The following SOX5 variants were observed in gnomAD, a reference collection of about 807,000 sequenced individuals.
The protein encoded by SOX5 is transcription factor SOX-5.
SOX5 carries 9 observed loss-of-function variants against 92.0 expected under a neutral mutation model. That is an observed-to-expected ratio of 0.10 (90% CI 0.06 to 0.17). The LOEUF is 0.17. Among genes scored for constraint, SOX5 ranks in the 10% least tolerant of loss-of-function variants. The pLI, the probability that SOX5 is intolerant of heterozygous loss-of-function variation, is 1.00. For synonymous variants in SOX5, 344 were observed against 336.3 expected (o/e 1.02, Z -0.25); for missense variants, 642 against 944.5 (o/e 0.68, Z 4.20).
chr12:23,998,927 T>C (rs1951313923), intron 4 of SOX5, among the ~76,000 whole-genome samples: 1 of 150,798 alleles, frequency 6.6e-6, no homozygotes, highest in South Asian at 2.1e-4. Flanking sequence ...AAACCACAAG[T>C]ATGATAAACA....
At chr12:24,145,464 T>A (rs1468803214) in intron 4 of SOX5, among the ~76,000 whole-genome samples, 1 of 152,144 alleles carries the variant, frequency 6.6e-6, no homozygotes, top group East Asian at 1.9e-4. Context: ...TATAAAGGGT[T>A]AAAAGAAAAT....
At chr12:23,701,930 C>T (rs1435644984) in intron 6 of SOX5, among the ~76,000 whole-genome samples, 3 of 152,048 alleles carry the variant, frequency 2.0e-5, no homozygotes, top group African/African-American at 7.2e-5. Context: ...CTTAAAAACA[C>T]TAGAAGTTGT....
At chr12:24,242,873 A>T (rs1012667969) in intron 3 of SOX5, among the ~76,000 whole-genome samples, 1 of 152,192 alleles carries the variant, frequency 6.6e-6, no homozygotes, top group African/African-American at 2.4e-5. Context: ...TTTATCTTAT[A>T]TAAGTAACAC....
At chr12:24,141,238 G>T (rs930804084) in intron 4 of SOX5, among the ~76,000 whole-genome samples, 1 of 151,974 alleles carries the variant, frequency 6.6e-6, no homozygotes, top group Non-Finnish European at 1.5e-5. Context: ...TTTAGTCCAG[G>T]TTGCTATTAA....
chr12:24,202,208 T>C (rs1423044592), intron 4 of SOX5, among the ~76,000 whole-genome samples: 1 of 152,222 alleles, frequency 6.6e-6, no homozygotes, highest in East Asian at 1.9e-4. Context: ...GTAACATACC[T>C]ATCACTCTAT....
intron 2 of SOX5, among the ~76,000 whole-genome samples, chr12:24,335,586 C>T (rs1457998005): frequency 3.9e-5 from 6 of 152,040 alleles, no homozygotes; most frequent in African/African-American, 1.4e-4. Context: ...CAATTTGGTT[C>T]CAGGACCTTA....
At chr12:24,447,784 G>A (rs1485679439) in intron 1 of SOX5, among the ~76,000 whole-genome samples, 1 of 152,160 alleles carries the variant, frequency 6.6e-6, no homozygotes, top group Non-Finnish European at 1.5e-5. Context: ...AGAAGTATGG[G>A]CAAATGGGAG....
chr12:23,600,554 C>CATAT (rs2074350319), intron 9 of SOX5, among the ~76,000 whole-genome samples: 2 of 41,250 alleles, frequency 4.8e-5, no homozygotes, highest in African/African-American at 2.3e-4. Flanking sequence ...TATATATATA[C>CATAT]ACATACTTGG....
chr12:24,100,497 G>GT (rs1242605565), intron 4 of SOX5, among the ~76,000 whole-genome samples: 2 of 151,962 alleles, frequency 1.3e-5, no homozygotes, highest in African/African-American at 4.8e-5. Flanking sequence ...TTCTTTCTCA[G>GT]TCTTGTTCCA....
intron 3 of SOX5, among the ~76,000 whole-genome samples, chr12:23,771,082 C>T (rs2094917704): frequency 6.6e-6 from 1 of 150,474 alleles, no homozygotes; most frequent in Admixed American, 6.7e-5. Context: ...TTTCTTCATA[C>T]ATATCGTATT....
At chr12:24,263,476 C>A (rs544786041) in intron 3 of SOX5, among the ~76,000 whole-genome samples, 2 of 128,754 alleles carry the variant, frequency 1.6e-5, no homozygotes, top group Admixed American at 2.1e-4. Context: ...TGCAGCGAAC[C>A]GAGGCCGTGT....
intron 1 of SOX5, among the ~76,000 whole-genome samples, chr12:24,518,414 A>G (rs900696660): frequency 6.6e-6 from 1 of 152,244 alleles, no homozygotes; most frequent in South Asian, 2.1e-4. Context: ...CTATTTCATC[A>G]ACGCTCAAAT....
At chr12:24,089,689 A>G (rs895907079) in intron 4 of SOX5, among the ~76,000 whole-genome samples, 1 of 152,200 alleles carries the variant, frequency 6.6e-6, no homozygotes, top group Non-Finnish European at 1.5e-5. Flanking sequence ...TAAAACGCCC[A>G]GGCCTTATGT....
At chr12:23,807,334 T>TG (rs2095798012) in intron 3 of SOX5, among the ~76,000 whole-genome samples, 1 of 152,174 alleles carries the variant, frequency 6.6e-6, no homozygotes, top group African/African-American at 2.4e-5. Context: ...TCTTTGCAGA[T>TG]TTAGTCAAGT....
At chr12:24,505,001 A>C (rs543471372) in intron 1 of SOX5, among the ~76,000 whole-genome samples, 21 of 152,354 alleles carry the variant, frequency 1.4e-4, no homozygotes, top group Non-Finnish European at 2.2e-4. Context: ...GGAAGCAACA[A>C]CAGATAAAAA....
At chr12:23,953,376 C>A (rs191551659), upstream of SOX5, among the ~76,000 whole-genome samples, 26 of 152,060 alleles carry the variant, frequency 1.7e-4, no homozygotes, top group Middle Eastern at 0.01. Context: ...AACCCAAATT[C>A]TTTTTCAATT....
intron 3 of SOX5, among the ~76,000 whole-genome samples, chr12:24,272,869 T>C (rs1273807032): frequency 6.6e-6 from 1 of 152,052 alleles, no homozygotes; most frequent in Non-Finnish European, 1.5e-5. Context: ...GGTATGAAAA[T>C]TATATGATAA....
intron 4 of SOX5, among the ~76,000 whole-genome samples, chr12:24,081,457 CA>C (rs2137607423): frequency 6.6e-6 from 1 of 152,076 alleles, no homozygotes; most frequent in Non-Finnish European, 1.5e-5. Context: ...AAATTGCTAA[CA>C]GTAGCTGTAA....
At chr12:23,794,160 T>G (rs1194012510) in intron 3 of SOX5, among the ~76,000 whole-genome samples, 6 of 152,176 alleles carry the variant, frequency 3.9e-5, no homozygotes, top group Admixed American at 3.9e-4. Context: ...CTATATGATA[T>G]GAAGAGTTTT....
Sources: allele counts gnomAD v4.1 joint callset (sites outside exome capture counted in the v4.1 genomes callset), GRCh38; gene constraint gnomAD v4.1.1; transcripts MANE v1.5; gene names NCBI Gene and HGNC (gene_info 2026-07-23, HGNC 2026-07-21).